Variants in DNPEP observed in about 807,000 individuals in gnomAD.
The protein encoded by DNPEP is aspartyl aminopeptidase.
In DNPEP, 46 loss-of-function variants were observed where a neutral mutation model predicts 59.1. The ratio of observed to expected loss-of-function variants is 0.78; its 90% CI spans 0.61 to 0.99. The LOEUF is 0.99. Ranked by LOEUF, DNPEP falls within the 50% of genes least tolerant of loss-of-function variation. The pLI is 0.00. For missense variants in DNPEP, 617 were observed against 649.9 expected, an observed-to-expected ratio of 0.95 and a Z score of 0.55; for synonymous variants, 229 against 242.2, an observed-to-expected ratio of 0.95 and a Z score of 0.50.
At chr2:219,377,817 G>T (rs1953433503) in intron 13 of DNPEP, among the ~76,000 whole-genome samples, 2 of 152,060 alleles carry the variant, frequency 1.3e-5, no homozygotes, top group South Asian at 4.1e-4. Flanking sequence ...CAGCTACTTG[G>T]GAGACTGAGG....
At chr2:219,388,857 C>G (rs1237194683), upstream of DNPEP, 1 of 985,308 alleles carries the variant, frequency 1.0e-6, no homozygotes, top group Non-Finnish European at 1.2e-6. Context: ...CACAACTGCC[C>G]CATCAACTAT....
At chr2:219,397,590 G>A (rs1347407207) in intron 1 of DNPEP, among the ~76,000 whole-genome samples, 2 of 152,126 alleles carry the variant, frequency 1.3e-5, no homozygotes, top group East Asian at 1.9e-4. Flanking sequence ...AGGCCCACAC[G>A]GACACTGTGC....
At chr2:219,396,935 C>T (rs1420912142) in intron 1 of DNPEP, among the ~76,000 whole-genome samples, 1 of 152,074 alleles carries the variant, frequency 6.6e-6, no homozygotes, top group Non-Finnish European at 1.5e-5. Context: ...AAAGGAAAAC[C>T]AACTGCTCCT....
In DNPEP at chr2:219,397,944, G is replaced by A. The variant is rs578033399; in HGVS notation, c.-158+1996C>T. On this transcript the variant is annotated intron_variant, in intron 1 of 6. Coordinates refer to the DNPEP transcript ENST00000434339. ...TAGATGGAGTTTCAGTATGTTGCCC[G>A]CACTGGCGGCAAACACCTGGGCTCA... is the stretch of plus-strand genomic sequence containing the variant. Among the ~76,000 whole-genome samples, 7 of 151,764 alleles carry A rather than the reference G, an allele frequency of 4.6e-5. No individual in the cohort carries two copies. The East Asian group carries it at 1.4e-3, about 29-fold the overall frequency.
At chr2:219,384,812 C>T in intron 8 of DNPEP, 1 of 198,388 alleles carries the variant, frequency 5.0e-6, no homozygotes, top group Non-Finnish European at 1.0e-5. Context: ...CATGTGATTC[C>T]CCCCGCCTCA....
intron 1 of DNPEP, among the ~76,000 whole-genome samples, chr2:219,398,783 G>A (rs1954138962): frequency 6.6e-6 from 1 of 152,226 alleles, no homozygotes; most frequent in African/African-American, 2.4e-5. Flanking sequence ...GGGGGGTCTG[G>A]GGTGCACTCC....
At position 219,374,297 on chromosome 2, in the gene DNPEP, C is replaced by A. The variant is rs201070819; in HGVS notation, c.1453G>T (p.Asp485Tyr). ...AGAAGTCTTTCCAAGAGGGCTCAAT[C>A]CACTAAGAGATTATGGCTTAGAGAA... ...FPSLSHNLLV[D>Y] The change falls in exon 15 of 15, where the codon GAT becomes TAT. Residue 485 changes from aspartate to tyrosine, a missense_variant. By Grantham distance (160) the Asp-to-Tyr change is radical. Coordinates refer to ENST00000273075, the MANE Select transcript of DNPEP (RefSeq NM_012100.4). 1.7e-5 allele frequency: 28 copies of A among 1,613,860 alleles called. No homozygotes were observed. The highest frequency in any genetic ancestry group is 2.3e-5 in the Non-Finnish European group (27 of 1,179,890).
At chr2:219,399,751 T>C in intron 1 of DNPEP, 1 of 840,594 alleles carries the variant, frequency 1.2e-6, no homozygotes, top group South Asian at 1.6e-5. Flanking sequence ...GGGGACCCTA[T>C]TTCATTCATC....
At chr2:219,388,871 C>T, upstream of DNPEP, 1 of 985,416 alleles carries the variant, frequency 1.0e-6, no homozygotes, top group Non-Finnish European at 1.2e-6. Context: ...CAACTATGTA[C>T]TCTTACTGTC....
chr2:219,399,874 A>G (rs1210404839), intron 1 of DNPEP: 1 of 1,550,546 alleles, frequency 6.4e-7, no homozygotes, highest in East Asian at 2.4e-5. Context: ...ACCTTGTGGT[A>G]GCCATTGAGC....
intron 4 of DNPEP, 56 bp downstream of exon 4, chr2:219,386,609 T>C: frequency 1.3e-6 from 2 of 1,529,518 alleles, no homozygotes; most frequent in Non-Finnish European, 1.8e-6. Context: ...AGTTCTCTTT[T>C]GCCCTGTACT....
At chr2:219,380,663 C>G (rs191418723) in intron 13 of DNPEP, among the ~76,000 whole-genome samples, 6 of 152,078 alleles carry the variant, frequency 3.9e-5, no homozygotes, top group Non-Finnish European at 8.8e-5. Context: ...GCAGGCTGTC[C>G]GTCTAGGTTT....
rs1165166541 is a variant in DNPEP at position 219,374,837 on chromosome 2, G to A, written c.1407+18C>T. 1.2e-6 allele frequency: 2 copies of A among 1,607,480 alleles called. No individual in the cohort carries two copies. The highest frequency in any genetic ancestry group is 2.2e-5 in the South Asian group (2 of 90,944). On this transcript the variant is annotated intron_variant, in intron 14 of 14. Transcript: ENST00000273075. ...GGAAGCAGCCCAGCTGCCAGAGAGG[G>A]TCTGGGGTGGGTGTTACCTTGAAGA...
Position 219,374,033 on chromosome 2 carries a change from C to A in DNPEP, c.*259G>T, listed in dbSNP as rs1953272413. On this transcript the variant is annotated 3_prime_UTR_variant, in exon 15 of 15. Transcript: ENST00000273075. The stretch of plus-strand genomic sequence containing the variant: ...CAGTCCACCCTTCACCCACTTCAGA[C>A]ATGGACTTGAGACAGAGAAGAGATT... 2 of 460,724 alleles carry A rather than the reference C, an allele frequency of 4.3e-6. No homozygotes were observed. The highest frequency in any genetic ancestry group is 3.9e-5 in the African/African-American group (2 of 51,644). The allele number at this position is 460,724 out of a possible 1,614,324, so 28.5% of individuals were successfully genotyped here. A position where few individuals can be genotyped will look rare whatever the true frequency, so the allele number is the denominator to read the frequency against.
In DNPEP at chr2:219,374,889, G is replaced by A; in HGVS notation, c.1373C>T (p.Thr458Ile). The change falls in exon 14 of 15, where the codon ACC (threonine) becomes ATC (isoleucine). Residue 458 changes from threonine to isoleucine, a missense_variant. Thr to Ile is a moderately conservative substitution (Grantham distance 89). Coordinates refer to ENST00000273075, the MANE Select transcript of DNPEP (RefSeq NM_012100.4). ...AMHSIREMAC[T>I]TGVLQTLTLF... ...GGTGAGGGTCTGGAGGACTCCTGTG[G>A]TGCAGGCCATCTCCCGGATAGAGTG... The A allele has an allele frequency of 6.2e-7, 1 of 1,614,228 alleles. No homozygotes were observed. Among genetic ancestry groups the A allele is most frequent in the East Asian group, 2.2e-5 (1 of 44,886 alleles).
chr2:219,386,195 C>G, intron 5 of DNPEP, 91 bp downstream of exon 5: 1 of 1,609,320 alleles, frequency 6.2e-7, no homozygotes, highest in South Asian at 1.1e-5. Flanking sequence ...TCTGACCAGA[C>G]TGCCCCCACC....
intron 1 of DNPEP, among the ~76,000 whole-genome samples, chr2:219,396,603 A>G (rs1190399663): frequency 3.3e-5 from 5 of 152,154 alleles, no homozygotes; most frequent in African/African-American, 1.2e-4. Flanking sequence ...AAAAGAAAAA[A>G]AAAGATAAGG....
chr2:219,400,004 C>T, exon 1 of DNPEP: 1 of 1,125,340 alleles, frequency 8.9e-7, no homozygotes, highest in Non-Finnish European at 1.3e-6. Context: ...CCTTCCCCTG[C>T]CTTGGGCCCC....
chr2:219,392,228 A>G (rs557523436), upstream of DNPEP, among the ~76,000 whole-genome samples: 6 of 152,354 alleles, frequency 3.9e-5, no homozygotes, highest in Non-Finnish European at 1.5e-5. Context: ...GATGTTTACA[A>G]TGCTACCATT....
Sources: allele counts gnomAD v4.1 joint callset (sites outside exome capture counted in the v4.1 genomes callset), GRCh38; gene constraint gnomAD v4.1.1; transcripts MANE v1.5; gene names NCBI Gene and HGNC (gene_info 2026-07-23, HGNC 2026-07-21).